The following ZNF678 variants were observed in gnomAD, a reference collection of about 807,000 sequenced individuals.
The protein encoded by ZNF678 is hypothetical protein MGC42493.
Under a neutral mutation model 3.0 loss-of-function variants are expected in ZNF678, and 5 were observed. The ratio of observed to expected loss-of-function variants is 1.69; its 90% CI spans 0.88 to 3.56. The LOEUF is 3.56. Ranked by LOEUF, ZNF678 falls within the 30% of genes most tolerant of loss-of-function variation. The probability of loss-of-function intolerance (pLI) is 0.00; values close to 1 mark genes in which losing one functional copy is unlikely to be tolerated. For synonymous variants in ZNF678, 218 were observed against 199.6 expected (o/e 1.09, Z -0.78); for missense variants, 593 against 605.0 (o/e 0.98, Z 0.21).
intron 1 of ZNF678, among the ~76,000 whole-genome samples, chr1:227,572,545 G>A (rs1411256058): frequency 6.6e-6 from 1 of 152,176 alleles, no homozygotes; most frequent in African/African-American, 2.4e-5. Flanking sequence ...GCCTGGTGGG[G>A]AAGAGCGATG....
At chr1:227,650,526 A>G (rs1659065170) in intron 2 of ZNF678, among the ~76,000 whole-genome samples, 1 of 152,118 alleles carries the variant, frequency 6.6e-6, no homozygotes, top group Non-Finnish European at 1.5e-5. Flanking sequence ...AAAAATGGCC[A>G]TTGGAATTTT....
chr1:227,631,691 G>A (rs1658550419), intron 1 of ZNF678, among the ~76,000 whole-genome samples: 1 of 152,188 alleles, frequency 6.6e-6, no homozygotes, highest in Non-Finnish European at 1.5e-5. Context: ...CTTATCCTAT[G>A]TGCCTTTTTC....
chr1:227,663,394 C>A (rs117659468), downstream of ZNF678, among the ~76,000 whole-genome samples: 4 of 152,218 alleles, frequency 2.6e-5, no homozygotes, highest in East Asian at 7.7e-4. Flanking sequence ...AACATAAAGA[C>A]GTGATATCAA....
At chr1:227,668,356 T>C (rs1659543373) in intron 5 of ZNF678, among the ~76,000 whole-genome samples, 1 of 152,250 alleles carries the variant, frequency 6.6e-6, no homozygotes, top group African/African-American at 2.4e-5. Flanking sequence ...ATTACATTTA[T>C]TAAAATGTCT....
At chr1:227,676,041 C>A (rs1659671656) in intron 5 of ZNF678, among the ~76,000 whole-genome samples, 1 of 152,164 alleles carries the variant, frequency 6.6e-6, no homozygotes, top group Non-Finnish European at 1.5e-5. Flanking sequence ...AAATTGGAGA[C>A]TGGAAATAAT....
Position 227,563,587 on chromosome 1 carries a change from C to T in ZNF678, c.-301C>T. 1 of 916,824 alleles carries T rather than the reference C, an allele frequency of 1.1e-6. No homozygotes were observed. The highest frequency in any genetic ancestry group is 1.6e-6 in the Non-Finnish European group (1 of 634,548). The allele number at this position is 916,824 out of a possible 1,614,324, so 56.8% of individuals were successfully genotyped here. A position where few individuals can be genotyped will look rare whatever the true frequency, so the allele number is the denominator to read the frequency against. On this transcript the variant is annotated 5_prime_UTR_variant, in exon 1 of 4. Transcript: ENST00000343776. ...CTTGTGCTCCAGCTGGAGCTTTGGT[C>T]CCGTATTCTCGGCTATTTATCCCCA...
chr1:227,588,203 G>A (rs571437959), intron 1 of ZNF678, among the ~76,000 whole-genome samples: 5 of 152,240 alleles, frequency 3.3e-5, no homozygotes, highest in African/African-American at 9.6e-5. Flanking sequence ...TGGTGTGCAT[G>A]TACTATATTT....
intron 1 of ZNF678, among the ~76,000 whole-genome samples, chr1:227,630,345 G>A (rs1658519292): frequency 6.6e-6 from 1 of 152,112 alleles, no homozygotes; most frequent in Non-Finnish European, 1.5e-5. Context: ...GCATCCCAAT[G>A]GGGGTCTACA....
In ZNF678 at chr1:227,659,773, A is replaced by G. The variant is rs373517755; in HGVS notation, c.*3945A>G. On this transcript the variant is annotated 3_prime_UTR_variant, in exon 4 of 4. Transcript: ENST00000343776. ...CAAAATTTTATATCTACATATATAT[A>G]TATCTTGTAACACATGATGTTTGAA... 6.6e-6 allele frequency: 1 copy of G among 152,118 alleles called. No homozygotes were observed. Among genetic ancestry groups the G allele is most frequent in the South Asian group, 2.1e-4 (1 of 4,834 alleles). The allele number at this position is 152,118 out of a possible 1,614,324, so 9.4% of individuals were successfully genotyped here. A position where few individuals can be genotyped will look rare whatever the true frequency, so the allele number is the denominator to read the frequency against.
At chr1:227,589,802 C>T (rs904455892) in intron 1 of ZNF678, among the ~76,000 whole-genome samples, 5 of 151,784 alleles carry the variant, frequency 3.3e-5, no homozygotes, top group Non-Finnish European at 7.4e-5. Context: ...GCCCAGAGCA[C>T]GGGGCCGGGC....
intron 1 of ZNF678, among the ~76,000 whole-genome samples, chr1:227,640,472 GAGGAGA>G (rs1658792227): frequency 6.7e-6 from 1 of 148,270 alleles, no homozygotes; most frequent in South Asian, 2.1e-4. Context: ...AGCGAGAATG[GAGGAGA>G]AGGGAATGGA....
At chr1:227,650,154 A>G (rs1249973471) in intron 2 of ZNF678, among the ~76,000 whole-genome samples, 1 of 152,174 alleles carries the variant, frequency 6.6e-6, no homozygotes, top group Non-Finnish European at 1.5e-5. Flanking sequence ...TCTGCCTGAC[A>G]TTTAAGTCTT....
chr1:227,571,946 G>C (rs1656855080), intron 1 of ZNF678, among the ~76,000 whole-genome samples: 1 of 152,244 alleles, frequency 6.6e-6, no homozygotes. Context: ...GGAGGCTGAG[G>C]CAGGAGAATG....
At chr1:227,626,536 G>A (rs1658419585) in intron 1 of ZNF678, among the ~76,000 whole-genome samples, 1 of 152,096 alleles carries the variant, frequency 6.6e-6, no homozygotes, top group Non-Finnish European at 1.5e-5. Context: ...GGCTAAGGAG[G>A]GATATCTGCA....
At chr1:227,579,213 G>A (rs1273607247) in intron 1 of ZNF678, among the ~76,000 whole-genome samples, 2 of 152,120 alleles carry the variant, frequency 1.3e-5, no homozygotes, top group Admixed American at 1.3e-4. Flanking sequence ...AATGGTGAAG[G>A]CAATACAGCT....
downstream of ZNF678, among the ~76,000 whole-genome samples, chr1:227,662,746 G>A (rs891427666): frequency 3.3e-5 from 5 of 152,152 alleles, no homozygotes; most frequent in Non-Finnish European, 5.9e-5. Context: ...GGGAACCAGC[G>A]ATATTGAGAG....
intron 1 of ZNF678, among the ~76,000 whole-genome samples, chr1:227,633,958 G>A (rs1286974371): frequency 6.6e-6 from 1 of 152,162 alleles, no homozygotes; most frequent in African/African-American, 2.4e-5. Flanking sequence ...TCTCCAAAAA[G>A]AGACCCCTTC....
At chr1:227,646,772 G>T in intron 2 of ZNF678, 102 bp downstream of exon 2, 1 of 1,072,360 alleles carries the variant, frequency 9.3e-7, no homozygotes, top group Admixed American at 2.9e-5. Flanking sequence ...GCATGAATGA[G>T]TTTTTGATCT....
intron 1 of ZNF678, among the ~76,000 whole-genome samples, chr1:227,625,917 T>A (rs1658401324): frequency 6.6e-6 from 1 of 152,180 alleles, no homozygotes; most frequent in South Asian, 2.1e-4. Context: ...AATGAGTATT[T>A]GCATGCATGC....
Sources: gnomAD v4.1 joint callset for allele counts (sites outside exome capture counted in the v4.1 genomes callset) on GRCh38, gnomAD v4.1.1 for gene constraint, MANE v1.5 for transcripts, NCBI Gene and HGNC (gene_info 2026-07-23, HGNC 2026-07-21) for gene names.